SLC8A3: variants seen among roughly 807,000 people sequenced by gnomAD.
SLC8A3 encodes sodium/calcium exchanger 3.
A neutral mutation model predicts 65.4 loss-of-function variants in SLC8A3; 37 were observed. That is an observed-to-expected ratio of 0.57 (90% CI 0.44 to 0.74). SLC8A3 has a LOEUF of 0.74. Ranked by LOEUF, SLC8A3 falls within the 30% of genes least tolerant of loss-of-function variation. The probability of loss-of-function intolerance (pLI) is 0.00; values close to 1 mark genes in which losing one functional copy is unlikely to be tolerated. For missense variants in SLC8A3, 1,112 were observed against 1,172.1 expected, an observed-to-expected ratio of 0.95 and a Z score of 0.75; for synonymous variants, 461 against 444.5, an observed-to-expected ratio of 1.04 and a Z score of -0.47.
intron 4 of SLC8A3, among the ~76,000 whole-genome samples, chr14:70,051,711 A>T (rs1403385375): frequency 6.6e-6 from 1 of 152,238 alleles, no homozygotes; most frequent in Non-Finnish European, 1.5e-5. Context: ...TTTTGCTTTA[A>T]AAACACAGTT....
intron 2 of SLC8A3, among the ~76,000 whole-genome samples, chr14:70,134,462 T>C (rs977739714): frequency 1.3e-5 from 2 of 152,090 alleles, no homozygotes; most frequent in Non-Finnish European, 2.9e-5. Flanking sequence ...CCGAACAAGG[T>C]AAATGGCACC....
intron 2 of SLC8A3, among the ~76,000 whole-genome samples, chr14:70,113,452 T>A (rs1893447568): frequency 6.6e-6 from 1 of 152,240 alleles, no homozygotes; most frequent in Admixed American, 6.5e-5. Flanking sequence ...AACATCATTA[T>A]GCAGCGCATG....
chr14:70,157,168 G>A (rs7149156), intron 2 of SLC8A3, among the ~76,000 whole-genome samples: 5,137 of 152,148 alleles, frequency 0.034, 298 homozygotes, highest in African/African-American at 0.12. Flanking sequence ...CCCCAGTACA[G>A]GCCACTACAA....
intron 2 of SLC8A3, among the ~76,000 whole-genome samples, chr14:70,132,292 CTG>C (rs1894889883): frequency 6.6e-6 from 1 of 152,240 alleles, no homozygotes; most frequent in African/African-American, 2.4e-5. Flanking sequence ...GCAGCCTTCA[CTG>C]TAATATTTGG....
chr14:70,146,763 C>T (rs777350051), intron 2 of SLC8A3, among the ~76,000 whole-genome samples: 50 of 152,042 alleles, frequency 3.3e-4, no homozygotes, highest in Non-Finnish European at 5.1e-4. Context: ...TTTGTGTTTG[C>T]GCTGATGAGT....
intron 2 of SLC8A3, among the ~76,000 whole-genome samples, chr14:70,110,836 G>A (rs752527716): frequency 8.6e-5 from 13 of 151,906 alleles, no homozygotes; most frequent in African/African-American, 1.9e-4. Context: ...GCCCGCCACC[G>A]CGCCTGGCTA....
intron 2 of SLC8A3, among the ~76,000 whole-genome samples, chr14:70,071,408 C>A (rs1890001471): frequency 6.6e-6 from 1 of 152,070 alleles, no homozygotes. Context: ...AAGGGAAAGC[C>A]AGAAAGATAC....
intron 2 of SLC8A3, among the ~76,000 whole-genome samples, chr14:70,079,457 G>T (rs1290498861): frequency 6.6e-6 from 1 of 151,748 alleles, no homozygotes. Context: ...GAGCTGAGAT[G>T]GTGCCACTGC....
chr14:70,173,275 AC>A (rs1897663303), intron 1 of SLC8A3, among the ~76,000 whole-genome samples: 2 of 152,304 alleles, frequency 1.3e-5, no homozygotes, highest in South Asian at 4.1e-4. Context: ...CTGAACAGAT[AC>A]AGACAAGCAT....
intron 1 of SLC8A3, among the ~76,000 whole-genome samples, chr14:70,187,908 C>T (rs1441901843): frequency 6.6e-6 from 1 of 152,158 alleles, no homozygotes; most frequent in Non-Finnish European, 1.5e-5. Flanking sequence ...CGCTTCCCTG[C>T]TAGCCCCCAA....
At chr14:70,098,888 A>G (rs1316433788) in intron 2 of SLC8A3, among the ~76,000 whole-genome samples, 2 of 152,240 alleles carry the variant, frequency 1.3e-5, no homozygotes, top group African/African-American at 4.8e-5. Context: ...AAAGCCAGAC[A>G]GATGTGATGA....
At chr14:70,166,603 G>A (rs1194811519) in intron 2 of SLC8A3, 36 bp downstream of exon 2, 6 of 1,177,850 alleles carry the variant, frequency 5.1e-6, no homozygotes, top group Non-Finnish European at 7.4e-6. Context: ...CAAAAGATGG[G>A]GTCAGGGAGG....
At chr14:70,135,051 AC>A (rs773725328) in intron 2 of SLC8A3, among the ~76,000 whole-genome samples, 6 of 152,222 alleles carry the variant, frequency 3.9e-5, no homozygotes, top group Non-Finnish European at 8.8e-5. Context: ...TAGCAAAAAA[AC>A]AAATAATCCA....
intron 2 of SLC8A3, among the ~76,000 whole-genome samples, chr14:70,123,461 T>C (rs1294216772): frequency 6.6e-6 from 1 of 151,486 alleles, no homozygotes; most frequent in Non-Finnish European, 1.5e-5. Flanking sequence ...ATTTTTTTTT[T>C]TTTCTGAGAT....
At chr14:70,118,720 C>T (rs1893831613) in intron 2 of SLC8A3, among the ~76,000 whole-genome samples, 1 of 152,154 alleles carries the variant, frequency 6.6e-6, no homozygotes, top group Admixed American at 6.5e-5. Context: ...GCCTTTGAAG[C>T]ATCTCCTGTT....
At chr14:70,120,821 C>T (rs1238869144) in intron 2 of SLC8A3, among the ~76,000 whole-genome samples, 4 of 152,112 alleles carry the variant, frequency 2.6e-5, no homozygotes, top group Admixed American at 1.3e-4. Flanking sequence ...TATTAAACAC[C>T]GTGCTGGGTA....
At position 70,063,011 on chromosome 14, in the gene SLC8A3, G is replaced by T. The variant is rs190044451; in HGVS notation, c.1785-2072C>A. 4.6e-5 allele frequency among the ~76,000 whole-genome samples: 7 copies of T among 152,302 alleles called. No individual in the cohort carries two copies. The East Asian group carries it at 1.4e-3, about 29-fold the overall frequency. The stretch of plus-strand genomic sequence containing the variant: ...AGGACTTCTTGACTTGTCTATTGGA[G>T]GCCATGGGATGTATGGGGTCATTGA... On this transcript the variant is annotated intron_variant, in intron 2 of 6. Transcript: ENST00000356921.
chr14:70,089,954 T>TTTCTTAA, intron 2 of SLC8A3, among the ~76,000 whole-genome samples: 1 of 152,360 alleles, frequency 6.6e-6, no homozygotes, highest in Non-Finnish European at 1.5e-5. Context: ...AGAGAGTTTT[T>TTTCTTAA]TTCTTAATTT....
At chr14:70,148,038 T>A (rs181167879) in intron 2 of SLC8A3, among the ~76,000 whole-genome samples, 1 of 152,236 alleles carries the variant, frequency 6.6e-6, no homozygotes, top group African/African-American at 2.4e-5. Context: ...AAAAGTGATA[T>A]GCATTCAGTA....
Sources: gnomAD v4.1 joint callset for allele counts (sites outside exome capture counted in the v4.1 genomes callset) on GRCh38, gnomAD v4.1.1 for gene constraint, MANE v1.5 for transcripts, NCBI Gene and HGNC (gene_info 2026-07-23, HGNC 2026-07-21) for gene names.